The following ZBTB20 variants were observed in gnomAD, a reference collection of about 807,000 sequenced individuals.
ZBTB20 encodes the protein zinc finger and BTB domain containing 20.
In ZBTB20, 9 loss-of-function variants were observed where a neutral mutation model predicts 56.9. The observed-to-expected ratio is 0.16, with a 90% CI of 0.10 to 0.28. The LOEUF (loss-of-function observed/expected upper bound fraction) is 0.28. ZBTB20 is among the 10% of genes least tolerant of loss of function. The probability of loss-of-function intolerance (pLI) is 1.00; values close to 1 mark genes in which losing one functional copy is unlikely to be tolerated. For synonymous variants in ZBTB20, 417 were observed against 420.7 expected, an observed-to-expected ratio of 0.99 and a Z score of 0.11; for missense variants, 655 against 1,003.0, an observed-to-expected ratio of 0.65 and a Z score of 4.69.
At chr3:114,597,642 T>A (rs544553842) in intron 6 of ZBTB20, among the ~76,000 whole-genome samples, 26 of 152,162 alleles carry the variant, frequency 1.7e-4, no homozygotes, top group Non-Finnish European at 2.6e-4. Flanking sequence ...CATGGGTAAG[T>A]TTTCTGTTTT....
intron 4 of ZBTB20, among the ~76,000 whole-genome samples, chr3:114,851,659 A>G (rs2075007175): frequency 6.6e-6 from 1 of 151,790 alleles, no homozygotes; most frequent in Non-Finnish European, 1.5e-5. Context: ...TTATTTTCTA[A>G]TTCCTTAACT....
intron 6 of ZBTB20, among the ~76,000 whole-genome samples, chr3:114,659,357 G>A (rs945570010): frequency 6.6e-6 from 1 of 152,190 alleles, no homozygotes; most frequent in Admixed American, 6.5e-5. Flanking sequence ...TGTGGTAACT[G>A]CCCAACTAGG....
At chr3:114,547,685 T>C (rs899694421) in intron 6 of ZBTB20, among the ~76,000 whole-genome samples, 21 of 152,196 alleles carry the variant, frequency 1.4e-4, no homozygotes, top group Non-Finnish European at 1.5e-5. Flanking sequence ...TTTGCCCTAA[T>C]GTTACATAAC....
intron 6 of ZBTB20, among the ~76,000 whole-genome samples, chr3:114,530,608 A>G (rs745871957): frequency 4.6e-5 from 7 of 152,194 alleles, no homozygotes; most frequent in Non-Finnish European, 8.8e-5. Context: ...CTAACTTGAG[A>G]AATCTAAGAA....
chr3:114,835,889 C>G (rs2074098064), intron 4 of ZBTB20, among the ~76,000 whole-genome samples: 1 of 152,038 alleles, frequency 6.6e-6, no homozygotes, highest in Non-Finnish European at 1.5e-5. Flanking sequence ...TAGCATTTCC[C>G]CTGGAGTTCT....
At chr3:114,683,520 C>T (rs1351668309) in intron 6 of ZBTB20, among the ~76,000 whole-genome samples, 1 of 152,072 alleles carries the variant, frequency 6.6e-6, no homozygotes, top group East Asian at 1.9e-4. Flanking sequence ...AGAAGGTAAT[C>T]TCAGAGGGTA....
intron 2 of ZBTB20, among the ~76,000 whole-genome samples, chr3:115,029,890 T>TTTATTG (rs2080594697): frequency 6.6e-6 from 1 of 151,020 alleles, no homozygotes; most frequent in Non-Finnish European, 1.5e-5. Flanking sequence ...GTAATATGGT[T>TTTATTG]TTTAAAAATA....
In ZBTB20 at chr3:114,753,432, T is replaced by TATATATATATAC. The variant is rs1205435166; in HGVS notation, c.-343+47668_-343+47669insGTATATATATAT. On this transcript the variant is annotated intron_variant, in intron 5 of 11. Transcript: ENST00000675478. ...ACACACGTATATATATATATATATA[T>TATATATATATAC]ACACACACACTTTTTTTTTTGAGAC... Among the ~76,000 whole-genome samples, 9 of 43,532 alleles carry TATATATATATAC rather than the reference T, an allele frequency of 2.1e-4. 3 individuals carry two copies. The highest frequency in any genetic ancestry group is 4.9e-4 in the Non-Finnish European group (9 of 18,494). The allele number at this position is 43,532 out of a possible 152,430, so 28.6% of individuals were successfully genotyped here.
chr3:114,919,572 G>A (rs1360560199), intron 3 of ZBTB20, among the ~76,000 whole-genome samples: 1 of 151,996 alleles, frequency 6.6e-6, no homozygotes, highest in Admixed American at 6.6e-5. Flanking sequence ...GGGTGCGGTG[G>A]CAGGTACCTG....
At chr3:114,943,970 C>T (rs1369832344) in intron 3 of ZBTB20, among the ~76,000 whole-genome samples, 1 of 140,008 alleles carries the variant, frequency 7.1e-6, no homozygotes, top group Non-Finnish European at 1.5e-5. Context: ...ATCAAAAAGG[C>T]AATCTCAAAA....
rs530201924 is a variant in ZBTB20 at position 114,955,186 on chromosome 3, A to G, written c.-456+19180T>C. Among the ~76,000 whole-genome samples the G allele has an allele frequency of 3.9e-5, 6 of 152,296 alleles. No homozygotes were observed. The South Asian group carries it at 1.2e-3, about 32-fold the overall frequency. ...CTCCTATAAATATGAAAGAATTCTG[A>G]TAACTCCAGCTCCAGAGATTCTTGG... On this transcript the variant is annotated intron_variant, in intron 3 of 11. Coordinates refer to ENST00000675478, the MANE Select transcript of ZBTB20 (RefSeq NM_001348800.3).
At chr3:114,512,254 G>A (rs975429246) in intron 6 of ZBTB20, among the ~76,000 whole-genome samples, 2 of 151,858 alleles carry the variant, frequency 1.3e-5, no homozygotes, top group Non-Finnish European at 2.9e-5. Context: ...TTTCATGACA[G>A]CCTAATAAAG....
intron 2 of ZBTB20, among the ~76,000 whole-genome samples, chr3:115,005,368 A>C (rs1193282725): frequency 1.3e-5 from 2 of 151,798 alleles, no homozygotes; most frequent in Non-Finnish European, 2.9e-5. Context: ...TATATCATGA[A>C]AACATTTAAA....
intron 5 of ZBTB20, among the ~76,000 whole-genome samples, chr3:114,730,204 TTGTG>T (rs140060489): frequency 2.0e-5 from 3 of 150,404 alleles, no homozygotes; most frequent in South Asian, 2.1e-4. Flanking sequence ...TGTTGCAATT[TTGTG>T]TGTGTGTGTG....
intron 9 of ZBTB20, among the ~76,000 whole-genome samples, 153 bp from the exon 10 acceptor site, chr3:114,380,557 G>GT (rs34414918): frequency 2.0e-4 from 30 of 151,612 alleles, no homozygotes; most frequent in African/African-American, 6.3e-4. Context: ...GCTGATTCTT[G>GT]TTTTTTTTCC....
chr3:115,086,280 A>G (rs915713711), intron 1 of ZBTB20, among the ~76,000 whole-genome samples: 1 of 151,888 alleles, frequency 6.6e-6, no homozygotes, highest in African/African-American at 2.4e-5. Flanking sequence ...ATAAAGTAAA[A>G]ACTACTTTTT....
chr3:114,499,865 C>T (rs953610933), intron 7 of ZBTB20, among the ~76,000 whole-genome samples: 30 of 151,924 alleles, frequency 2.0e-4, no homozygotes, highest in African/African-American at 7.3e-4. Flanking sequence ...AAAGTTTAGT[C>T]TATTTATTTT....
chr3:114,852,077 G>A (rs2107422327), intron 4 of ZBTB20, among the ~76,000 whole-genome samples: 1 of 151,850 alleles, frequency 6.6e-6, no homozygotes, highest in African/African-American at 2.4e-5. Flanking sequence ...AATATCAGTA[G>A]AAGTTCTTCT....
chr3:114,712,724 T>C (rs1193506981), intron 5 of ZBTB20, among the ~76,000 whole-genome samples: 1 of 150,490 alleles, frequency 6.6e-6, no homozygotes, highest in Non-Finnish European at 1.5e-5. Flanking sequence ...TAAAAGGATA[T>C]AGCAGTTTGT....
Sources: gnomAD v4.1 joint callset for allele counts (sites outside exome capture counted in the v4.1 genomes callset) on GRCh38, gnomAD v4.1.1 for gene constraint, MANE v1.5 for transcripts, NCBI Gene and HGNC (gene_info 2026-07-23, HGNC 2026-07-21) for gene names.